SMAD2: variants seen among roughly 807,000 people sequenced by gnomAD.
SMAD2 encodes the protein SMAD family member 2.
Under a neutral mutation model 64.4 loss-of-function variants are expected in SMAD2, and 8 were observed. The ratio of observed to expected loss-of-function variants is 0.12; its 90% CI spans 0.07 to 0.22. SMAD2 has a LOEUF of 0.22. SMAD2 is among the 10% of genes least tolerant of loss of function. SMAD2 has a pLI of 1.00. For missense variants in SMAD2, 289 were observed against 561.2 expected (o/e 0.51, Z 4.90); for synonymous variants, 203 against 195.8 (o/e 1.04, Z -0.31).
intron 1 of SMAD2, among the ~76,000 whole-genome samples, chr18:47,913,435 T>C (rs1369665027): frequency 2.0e-5 from 3 of 152,204 alleles, no homozygotes; most frequent in Admixed American, 1.3e-4. Context: ...TAAAACCATT[T>C]TGGAACTAAG....
At chr18:47,897,498 T>C (rs918233284) in intron 1 of SMAD2, among the ~76,000 whole-genome samples, 4 of 152,232 alleles carry the variant, frequency 2.6e-5, no homozygotes, top group African/African-American at 9.6e-5. Flanking sequence ...ATAGGAATCA[T>C]TTTTATTAAG....
chr18:47,870,283 T>C (rs2031853895), intron 3 of SMAD2, among the ~76,000 whole-genome samples, 192 bp downstream of exon 3: 2 of 152,188 alleles, frequency 1.3e-5, no homozygotes, highest in African/African-American at 2.4e-5. Flanking sequence ...TAGAATTGCA[T>C]TGATTAAAAC....
intron 6 of SMAD2, among the ~76,000 whole-genome samples, chr18:47,862,670 C>T (rs949401911): frequency 7.2e-5 from 11 of 152,202 alleles, no homozygotes; most frequent in African/African-American, 2.4e-4. Context: ...GAGGTTAGCA[C>T]CTCATTTTAT....
chr18:47,873,007 G>C (rs1012898949), intron 2 of SMAD2, among the ~76,000 whole-genome samples: 1 of 142,956 alleles, frequency 7.0e-6, no homozygotes, highest in South Asian at 2.1e-4. Context: ...GACTATAGGC[G>C]TGTGTCACCA....
chr18:47,848,353 C>T, intron 8 of SMAD2, 122 bp downstream of exon 8: 1 of 761,894 alleles, frequency 1.3e-6, no homozygotes, highest in Non-Finnish European at 2.3e-6. Context: ...TGTGTCGGCA[C>T]TTAAACCACC....
intron 2 of SMAD2, among the ~76,000 whole-genome samples, chr18:47,886,403 A>G (rs569992058): frequency 5.3e-5 from 8 of 152,346 alleles, no homozygotes; most frequent in African/African-American, 1.9e-4. Context: ...AAGGCATCAT[A>G]TAAAAATTAC....
chr18:47,911,125 T>C (rs2034114908), intron 1 of SMAD2, among the ~76,000 whole-genome samples: 1 of 151,136 alleles, frequency 6.6e-6, no homozygotes. Flanking sequence ...GCAGAGGCGG[T>C]TGGATCACGA....
chr18:47,912,928 CTTT>C (rs549054968), intron 1 of SMAD2, among the ~76,000 whole-genome samples: 3 of 137,184 alleles, frequency 2.2e-5, no homozygotes, highest in African/African-American at 8.0e-5. Context: ...TTCTGTAACA[CTTT>C]TTTTTTTTGA....
intron 6 of SMAD2, among the ~76,000 whole-genome samples, chr18:47,858,584 T>C (rs1053267342): frequency 2.6e-5 from 4 of 152,220 alleles, no homozygotes; most frequent in African/African-American, 9.6e-5. Context: ...TTGGGGTTTA[T>C]ATATTTTTAT....
chr18:47,863,495 T>C (rs1211335995), intron 6 of SMAD2, among the ~76,000 whole-genome samples: 1 of 152,222 alleles, frequency 6.6e-6, no homozygotes, highest in East Asian at 1.9e-4. Context: ...TTGCTCCTCC[T>C]GTGTTTCAGT....
At chr18:47,889,882 T>C (rs772489887) in intron 2 of SMAD2, among the ~76,000 whole-genome samples, 4 of 152,192 alleles carry the variant, frequency 2.6e-5, no homozygotes, top group Admixed American at 1.3e-4. Context: ...GAAGCTAATA[T>C]GTTAAACAGG....
In SMAD2 at chr18:47,820,954, C is replaced by T. The variant is rs1912554482; in HGVS notation, c.*20873G>A. 1 of 147,678 alleles carries T rather than the reference C, an allele frequency of 6.8e-6. No individual in the cohort carries two copies. Among genetic ancestry groups the T allele is most frequent in the Non-Finnish European group, 1.5e-5 (1 of 67,616 alleles). The allele number at this position is 147,678 out of a possible 1,614,324, so 9.1% of individuals were successfully genotyped here. ...ACACACACACACAAAATTTGGTCCC[C>T]AATGTTAGAACAAGGTTCTTTTTAA... On this transcript the variant is annotated 3_prime_UTR_variant, in exon 11 of 11. Coordinates refer to ENST00000262160, the MANE Select transcript of SMAD2 (RefSeq NM_005901.6).
chr18:47,847,858 G>A (rs1189837942), intron 8 of SMAD2, among the ~76,000 whole-genome samples: 1 of 152,118 alleles, frequency 6.6e-6, no homozygotes, highest in Non-Finnish European at 1.5e-5. Flanking sequence ...GAGAGTATGA[G>A]AGTAGAAATG....
chr18:47,860,487 T>C (rs1388126663), intron 6 of SMAD2, among the ~76,000 whole-genome samples: 1 of 152,056 alleles, frequency 6.6e-6, no homozygotes, highest in African/African-American at 2.4e-5. Flanking sequence ...CTTGCTTTGT[T>C]GCCTAGGTTG....
At chr18:47,860,121 G>A (rs1307854797) in intron 6 of SMAD2, among the ~76,000 whole-genome samples, 1 of 152,104 alleles carries the variant, frequency 6.6e-6, no homozygotes, top group Non-Finnish European at 1.5e-5. Context: ...GCAACGAAGT[G>A]AGATCCTGTC....
At chr18:47,854,301 A>G (rs535002739) in intron 6 of SMAD2, among the ~76,000 whole-genome samples, 5 of 152,354 alleles carry the variant, frequency 3.3e-5, no homozygotes, top group African/African-American at 4.8e-5. Flanking sequence ...AAATTCACAT[A>G]TATTTGTAGG....
intron 6 of SMAD2, among the ~76,000 whole-genome samples, chr18:47,857,650 C>T (rs549259311): frequency 6.6e-6 from 1 of 152,160 alleles, no homozygotes; most frequent in African/African-American, 2.4e-5. Flanking sequence ...CCCCAGTTAA[C>T]AGAGAGTGGT....
chr18:47,866,907 G>A (rs1300561173), intron 5 of SMAD2: 1 of 152,174 alleles, frequency 6.6e-6, no homozygotes, highest in Non-Finnish European at 1.5e-5. Flanking sequence ...CTTCACAAGT[G>A]AAAGCCACTA....
chr18:47,869,230 G>C lies in SMAD2; in HGVS notation c.520+13C>G, dbSNP rs1379752579. 1 of 1,599,120 alleles carries C rather than the reference G, an allele frequency of 6.3e-7. No individual in the cohort carries two copies. Among genetic ancestry groups the C allele is most frequent in the Non-Finnish European group, 8.6e-7 (1 of 1,166,864 alleles). On this transcript the variant is annotated intron_variant, in intron 4 of 10. Coordinates refer to ENST00000262160, the MANE Select transcript of SMAD2 (RefSeq NM_005901.6). ...TAATTCAAAACCAAGAAAAAAACTT[G>C]CAATATTCCTACCTGGTGTCTCAAC... is the stretch of plus-strand genomic sequence containing the variant.
Sources: gnomAD v4.1 joint callset for allele counts (sites outside exome capture counted in the v4.1 genomes callset) on GRCh38, gnomAD v4.1.1 for gene constraint, MANE v1.5 for transcripts, NCBI Gene and HGNC (gene_info 2026-07-23, HGNC 2026-07-21) for gene names.